NEB: variants seen among roughly 807,000 people sequenced by gnomAD.
The protein encoded by NEB is nemaline myopathy type 2.
In NEB, 512 loss-of-function variants were observed where a neutral mutation model predicts 952.2. The observed-to-expected ratio is 0.54, with a 90% CI of 0.50 to 0.58. The LOEUF (loss-of-function observed/expected upper bound fraction) is 0.58. Among genes scored for constraint, NEB ranks in the 20% least tolerant of loss-of-function variants. The pLI is 0.00. For missense variants in NEB, 8,428 were observed against 9,231.1 expected (o/e 0.91, Z 3.56); for synonymous variants, 2,900 against 3,149.8 (o/e 0.92, Z 2.66).
chr2:151,639,826 C>T, intron 62 of NEB, 31 bp downstream of exon 62: 6 of 1,559,044 alleles, frequency 3.8e-6, no homozygotes, highest in Non-Finnish European at 5.3e-6. Context: ...CTTTAGGAGC[C>T]CCACTTCGAT....
chr2:151,725,064 C>T, intron 6 of NEB, 103 bp from the exon 7 acceptor site: 1 of 840,582 alleles, frequency 1.2e-6, no homozygotes. Context: ...GACTCTAGGT[C>T]TGCATCACAA....
chr2:151,486,503 A>G (rs1190921069), intron 181 of NEB: 1 of 153,006 alleles, frequency 6.5e-6, no homozygotes, highest in Non-Finnish European at 1.5e-5. Context: ...TCCTAGGTGT[A>G]TACCCAAGAA....
chr2:151,518,793 A>G (rs539492726), intron 155 of NEB, among the ~76,000 whole-genome samples, 172 bp downstream of exon 155: 12 of 152,330 alleles, frequency 7.9e-5, no homozygotes, highest in African/African-American at 2.2e-4. Flanking sequence ...GTTACAGACA[A>G]TGGAGAATTG....
chr2:151,640,439 G>A lies in NEB; in HGVS notation c.8601C>T (p.Tyr2867=), dbSNP rs1286220682. The A allele has an allele frequency of 1.2e-6, 2 of 1,613,850 alleles. No homozygotes were observed. The highest frequency in any genetic ancestry group is 1.7e-6 in the Non-Finnish European group (2 of 1,179,894). The change falls in exon 61 of 182, where the codon TAC becomes TAT. Residue 2867 remains tyrosine, a synonymous_variant. Coordinates refer to ENST00000397345, the MANE Select transcript of NEB (RefSeq NM_001164508.2). Reference sequence around the variant, plus strand: ...ATGTCCACTGGTGCAGGTAGTTCTTGTAGTCCACATCGCTGACTAAGGTCT... The same window carrying A: ...ATGTCCACTGGTGCAGGTAGTTCTTATAGTCCACATCGCTGACTAAGGTCT... ...KCQTLVSDVD[Y]KNYLHQWTCL... is the part of the protein sequence containing the mutation.
rs765363585 is a variant in NEB at position 151,553,911 on chromosome 2, G to A, written c.19543C>T (p.Arg6515Cys). 18 of 1,613,860 alleles carry A rather than the reference G, an allele frequency of 1.1e-5. No homozygotes were observed. Among genetic ancestry groups the A allele is most frequent in the East Asian group, 4.5e-5 (2 of 44,868 alleles). Residue 6515 changes from arginine to cysteine, a missense_variant, in exon 126 of 182, where the codon CGC (arginine) becomes TGC (cysteine). Arg to Cys is a radical substitution (Grantham distance 180, BLOSUM62 -3). This residue lies in a region of NEB where 3,374 missense variants were observed against 3,651.5 expected (regional missense o/e 0.92). Coordinates refer to ENST00000397345, the MANE Select transcript of NEB (RefSeq NM_001164508.2). ...CAAATCCATTCGTGGAGGCGCAGGC[G>A]GTAATCAATCTCACTGACTTTCTTC... ...SQKKVSEIDY[R>C]LRLHEWICHP... is the part of the protein sequence containing the mutation.
At chr2:151,718,722 A>T (rs563012644) in intron 9 of NEB, among the ~76,000 whole-genome samples, 12 of 152,104 alleles carry the variant, frequency 7.9e-5, no homozygotes, top group African/African-American at 2.9e-4. Context: ...CACAACCCCA[A>T]ACTCTCCTTC....
rs1443860844 is a variant in NEB, at chr2:151,696,696, G to C, written c.1510C>G (p.Gln504Glu). The C allele has an allele frequency of 1.2e-6, 2 of 1,613,856 alleles. No homozygotes were observed. Among genetic ancestry groups the C allele is most frequent in the Non-Finnish European group, 1.7e-6 (2 of 1,179,788 alleles). Reference protein sequence around the residue: ...KVHPDKTKFTQVTDSPVLLQA... With the variant: ...KVHPDKTKFTEVTDSPVLLQA... ...AGCAGAACAGGAGAGTCTGTAACTT[G>C]GGTGAATTTTGTCTTATCTGGATGG... The change falls in exon 17 of 182, where the codon CAA becomes GAA. Residue 504 changes from glutamine to glutamate, a missense_variant. Gln to Glu is a conservative substitution (Grantham distance 29). Transcript: ENST00000397345.
At chr2:151,515,506 C>CT (rs1221123922) in intron 157 of NEB, among the ~76,000 whole-genome samples, 5 of 152,256 alleles carry the variant, frequency 3.3e-5, no homozygotes, top group Admixed American at 3.3e-4. Context: ...TGCCACCACA[C>CT]TGAGTTTTGA....
In NEB at chr2:151,655,315, T is replaced by C. The variant is rs563192073; in HGVS notation, c.6762A>G (p.Thr2254=). 5 of 1,601,434 alleles carry C rather than the reference T, an allele frequency of 3.1e-6. No individual in the cohort carries two copies. The highest frequency in any genetic ancestry group is 4.3e-6 in the Non-Finnish European group (5 of 1,171,052). The change falls in exon 51 of 182, where the codon ACA becomes ACG. Residue 2254 remains threonine (T), a synonymous_variant. Coordinates refer to ENST00000397345, the MANE Select transcript of NEB (RefSeq NM_001164508.2). ...DKTKIHVMPD[T]PDILQAKQNQ... is the part of the protein sequence containing the mutation. ...TCTGCTTGGCTTGTAAAATATCTGG[T>C]GTATCAGGCATCACATGAATCTTGG...
intron 9 of NEB, among the ~76,000 whole-genome samples, chr2:151,722,603 G>C (rs1206313840): frequency 6.6e-6 from 1 of 152,156 alleles, no homozygotes; most frequent in Admixed American, 6.5e-5. Flanking sequence ...GAGTGCAGTG[G>C]CTTGATCATA....
At chr2:151,616,166 A>G in intron 75 of NEB, 57 bp from the exon 76 acceptor site, 3 of 1,214,012 alleles carry the variant, frequency 2.5e-6, no homozygotes, top group South Asian at 2.7e-5. Context: ...GAAGCTGTTC[A>G]TTATTAGTTT....
In NEB at chr2:151,697,551, C is replaced by T; in HGVS notation, c.1250G>A (p.Ser417Asn). 1.2e-6 allele frequency: 2 copies of T among 1,612,364 alleles called. No homozygotes were observed. The highest frequency in any genetic ancestry group is 2.2e-5 in the East Asian group (1 of 44,874). The change falls in exon 14 of 182, where the codon AGT (serine) becomes AAT (asparagine). Residue 417 changes from serine (S) to asparagine (N), a missense_variant. Coordinates refer to ENST00000397345, the MANE Select transcript of NEB (RefSeq NM_001164508.2). The stretch of plus-strand genomic sequence containing the variant: ...GACAGTAGGATTGCTTACATCACTA[C>T]TGAAGTTCTGCAGAACAGTATCGAG... ...FKLDTVLQNF[S>N]SDKKYKDSYL...
intron 105 of NEB, among the ~76,000 whole-genome samples, chr2:151,578,131 G>A (rs369125377): frequency 2.6e-4 from 39 of 152,276 alleles, no homozygotes; most frequent in Admixed American, 4.6e-4. Flanking sequence ...GGGAACCAAG[G>A]TCAGATAATT....
At chr2:151,690,904 G>A in intron 23 of NEB, 79 bp from the exon 24 acceptor site, 1 of 1,037,598 alleles carries the variant, frequency 9.6e-7, no homozygotes, top group East Asian at 2.7e-5. Flanking sequence ...ATGGTTCCAG[G>A]TCAAAACAGA....
rs374538366 is a variant in NEB, at chr2:151,724,287, G to A, written c.585C>T (p.Ala195=). The A allele has an allele frequency of 3.3e-5, 54 of 1,612,886 alleles. No homozygotes were observed. Among genetic ancestry groups the A allele is most frequent in the Admixed American group, 6.7e-5 (4 of 59,870 alleles). Reference sequence around the variant, plus strand: ...TGCTGAACATGGCGGTGTTCTTAACGGCCTGGACAAGTTCAGGGGCATCAG... The same window carrying A: ...TGCTGAACATGGCGGTGTTCTTAACAGCCTGGACAAGTTCAGGGGCATCAG... ...LPPDAPELVQ[A]VKNTAMFSKK... Residue 195 remains alanine (A), a synonymous_variant, in exon 8 of 182, where the codon GCC becomes GCT. Coordinates refer to ENST00000397345, the MANE Select transcript of NEB (RefSeq NM_001164508.2).
At chr2:151,643,728 G>A (rs991618504) in intron 57 of NEB, 90 bp downstream of exon 57, 3 of 1,540,242 alleles carry the variant, frequency 1.9e-6, no homozygotes, top group Non-Finnish European at 2.6e-6. Context: ...CAGGGTAATT[G>A]TGTAAACTCA....
At chr2:151,626,250 G>A (rs116545635) in intron 70 of NEB, among the ~76,000 whole-genome samples, 4,414 of 151,622 alleles carry the variant, frequency 0.029, 94 homozygotes, top group Non-Finnish European at 0.047. Flanking sequence ...AAGTACCTAA[G>A]ACTAGAGGTG....
intron 71 of NEB, among the ~76,000 whole-genome samples, chr2:151,625,326 C>T (rs902592696): frequency 1.2e-4 from 18 of 149,876 alleles, no homozygotes; most frequent in African/African-American, 4.0e-4. Flanking sequence ...ATTTTTGTGT[C>T]TGTCTGTCTA....
chr2:151,499,267 A>ATAATT (rs1559244947), intron 169 of NEB, 31 bp downstream of exon 169: 2 of 1,132,860 alleles, frequency 1.8e-6, no homozygotes, highest in Admixed American at 4.8e-5. Flanking sequence ...ATTTTTTTAA[A>ATAATT]TAATTAAAGG....
Sources: gnomAD v4.1 joint callset for allele counts (sites outside exome capture counted in the v4.1 genomes callset) on GRCh38, gnomAD v4.1.1 for gene constraint, gnomAD v4.1.1 regional missense constraint, MANE v1.5 for transcripts, NCBI Gene and HGNC (gene_info 2026-07-23, HGNC 2026-07-21) for gene names.